CYB5R3: variants seen among roughly 807,000 people sequenced by gnomAD.
CYB5R3 encodes cytochrome b5 reductase 3, also known as NADH-cytochrome b5 reductase 3.
CYB5R3 carries 28 observed loss-of-function variants against 36.5 expected under a neutral mutation model. The observed-to-expected ratio is 0.77, with a 90% CI of 0.57 to 1.05. CYB5R3 has a LOEUF of 1.05. CYB5R3 is among the 50% of genes least tolerant of loss of function. The pLI, the probability that CYB5R3 is intolerant of heterozygous loss-of-function variation, is 0.00. For synonymous variants in CYB5R3, 181 were observed against 159.8 expected, an observed-to-expected ratio of 1.13 and a Z score of -1.00; for missense variants, 474 against 408.9, an observed-to-expected ratio of 1.16 and a Z score of -1.37.
rs777813720 is a variant in CYB5R3, at chr22:42,627,323, T to G, written c.614A>C (p.His205Pro). The G allele has an allele frequency of 1.9e-6, 3 of 1,613,820 alleles. No homozygotes were observed. The South Asian group carries it at 3.3e-5, about 18-fold the overall frequency. ...ACTGACCTGGTTGGCAAAGAGCAGG[T>G]GGCACACAGTGTGGTCATCAGGGTC... ...MKDPDDHTVC[H>P]LLFANQTEKD... The change falls in exon 7 of 9, where the codon CAC becomes CCC. Residue 205 changes from histidine to proline, a missense_variant. His to Pro is a moderately conservative substitution (Grantham distance 77). Transcript: ENST00000352397.
At chr22:42,622,985 C>T (rs1370242348) in intron 8 of CYB5R3, among the ~76,000 whole-genome samples, 1 of 152,260 alleles carries the variant, frequency 6.6e-6, no homozygotes, top group Non-Finnish European at 1.5e-5. Context: ...GGGCTATACT[C>T]CACAGCGGGA....
intron 1 of CYB5R3, among the ~76,000 whole-genome samples, chr22:42,648,323 G>A (rs1035111122): frequency 6.6e-5 from 10 of 152,238 alleles, no homozygotes; most frequent in South Asian, 6.2e-4. Flanking sequence ...GATTCCTCCT[G>A]TGCCAGCCTC....
chr22:42,642,830 A>G (rs1417675777), intron 1 of CYB5R3, among the ~76,000 whole-genome samples: 27 of 152,232 alleles, frequency 1.8e-4, no homozygotes, highest in Non-Finnish European at 4.0e-4. Flanking sequence ...CATATAAAAC[A>G]CTGGCTCTCA....
chr22:42,631,257 G>T, intron 3 of CYB5R3, 121 bp downstream of exon 3: 1 of 1,057,046 alleles, frequency 9.5e-7, no homozygotes, highest in South Asian at 1.5e-5. Context: ...CAGGGCAGCT[G>T]TCACCTCCTC....
chr22:42,620,008 C>T, intron 8 of CYB5R3, 63 bp from the exon 9 acceptor site: 1 of 1,463,104 alleles, frequency 6.8e-7, no homozygotes, highest in Non-Finnish European at 9.4e-7. Context: ...TGCTGACCGA[C>T]CAACCCTAGG....
In CYB5R3 at chr22:42,619,691, T is replaced by G; in HGVS notation, c.*82A>C. 1.4e-6 allele frequency: 2 copies of G among 1,403,608 alleles called. No individual in the cohort carries two copies. Among genetic ancestry groups the G allele is most frequent in the Non-Finnish European group, 1.9e-6 (2 of 1,042,532 alleles). 86.9% of individuals were successfully genotyped at this position (1,403,608 alleles called of 1,614,324 possible). A position where few individuals can be genotyped will look rare whatever the true frequency, so the allele number is the denominator to read the frequency against. On this transcript the variant is annotated 3_prime_UTR_variant, in exon 9 of 9. Transcript: ENST00000352397. The stretch of plus-strand genomic sequence containing the variant: ...CCAGGCTGAACCCGGGGCCCCAGTG[T>G]GCGATGTGGGGAGGTGACTGGGTGA...
At position 42,631,463 on chromosome 22, in the gene CYB5R3, C is replaced by G; in HGVS notation, c.154-13G>C. 1 of 1,551,512 alleles carries G rather than the reference C, an allele frequency of 6.4e-7. No individual in the cohort carries two copies. Among genetic ancestry groups the G allele is most frequent in the Non-Finnish European group, 8.7e-7 (1 of 1,146,928 alleles). On this transcript the variant is annotated splice_polypyrimidine_tract_variant and intron_variant, in intron 2 of 8. Transcript: ENST00000352397. Reference sequence around the variant, plus strand: ...CATGGCTGATGATCTGGAGAGAGGCCCAAAGCTGCTGAACGGTCCCCAGGG... The same window carrying G: ...CATGGCTGATGATCTGGAGAGAGGCGCAAAGCTGCTGAACGGTCCCCAGGG...
intron 1 of CYB5R3, among the ~76,000 whole-genome samples, chr22:42,639,338 T>G (rs6002840): frequency 0.6 from 81,020 of 135,340 alleles, 24,311 homozygotes; most frequent in East Asian, 0.87. Context: ...AAAAAAAAAG[T>G]GGGGGGGGAC....
At chr22:42,646,992 C>T (rs1929568107) in intron 1 of CYB5R3, 1 of 985,408 alleles carries the variant, frequency 1.0e-6, no homozygotes. Context: ...GTGTGGCTGG[C>T]AGACTCCAGG....
In CYB5R3 at chr22:42,641,451, C is replaced by T. The variant is rs545511623; in HGVS notation, c.22-4605G>A. Reference sequence around the variant, plus strand: ...CCTCCCAAGTAGCTGGGATTACAGGCGCACGCCACCACACTTGGCTAATTT... The same window carrying T: ...CCTCCCAAGTAGCTGGGATTACAGGTGCACGCCACCACACTTGGCTAATTT... On this transcript the variant is annotated intron_variant, in intron 1 of 8. Transcript: ENST00000352397. Among the ~76,000 whole-genome samples, 15 of 152,194 alleles carry T rather than the reference C, an allele frequency of 9.9e-5. No homozygotes were observed. In the East Asian group the frequency reaches 1.4e-3, roughly 14 times the overall value.
chr22:42,623,460 T>C (rs1424856197), intron 8 of CYB5R3, among the ~76,000 whole-genome samples: 1 of 152,210 alleles, frequency 6.6e-6, no homozygotes, highest in Non-Finnish European at 1.5e-5. Context: ...CCGCCACCGC[T>C]GCCCCGAGAC....
chr22:42,636,109 A>T (rs944581189), intron 2 of CYB5R3, among the ~76,000 whole-genome samples: 1 of 152,088 alleles, frequency 6.6e-6, no homozygotes, highest in Non-Finnish European at 1.5e-5. Flanking sequence ...GCAGCTACTC[A>T]GGGGGCTGAG....
chr22:42,621,997 C>T (rs1355633119), intron 8 of CYB5R3, among the ~76,000 whole-genome samples: 1 of 152,262 alleles, frequency 6.6e-6, no homozygotes, highest in South Asian at 2.1e-4. Flanking sequence ...CATCTCGGCT[C>T]ATTGCAACCT....
chr22:42,645,591 C>T (rs1340480606), intron 1 of CYB5R3, among the ~76,000 whole-genome samples: 1 of 152,104 alleles, frequency 6.6e-6, no homozygotes, highest in Non-Finnish European at 1.5e-5. Flanking sequence ...GAGTCAAGGA[C>T]CTTCCTTCCA....
chr22:42,640,271 C>T (rs1182583296), intron 1 of CYB5R3: 3 of 1,558,324 alleles, frequency 1.9e-6, no homozygotes, highest in East Asian at 4.8e-5. Flanking sequence ...ACAAATGGAG[C>T]CATGGTTCTG....
At position 42,620,005 on chromosome 22, in the gene CYB5R3, C is replaced by T. The variant is rs546721773; in HGVS notation, c.734-60G>A. On this transcript the variant is annotated intron_variant, in intron 8 of 8. Coordinates refer to ENST00000352397, the MANE Select transcript of CYB5R3 (RefSeq NM_000398.7). ...GCTGTGTGGTCACCAACCTGCTGAC[C>T]GACCAACCCTAGGCGGTGAATTCCT... The T allele has an allele frequency of 5.5e-5, 82 of 1,479,240 alleles. 1 individual carries two copies. In the African/African-American group the frequency reaches 9.6e-4, roughly 17 times the overall value. The allele number at this position is 1,479,240 out of a possible 1,614,324, so 91.6% of individuals were successfully genotyped here. A position where few individuals can be genotyped will look rare whatever the true frequency, so the allele number is the denominator to read the frequency against.
At chr22:42,636,099 G>A (rs983250582) in intron 2 of CYB5R3, among the ~76,000 whole-genome samples, 2 of 151,986 alleles carry the variant, frequency 1.3e-5, no homozygotes, top group Admixed American at 6.6e-5. Context: ...GCCTGTAATC[G>A]CAGCTACTCA....
intron 1 of CYB5R3, among the ~76,000 whole-genome samples, chr22:42,641,822 C>T (rs1238727279): frequency 2.6e-5 from 4 of 151,806 alleles, no homozygotes; most frequent in Non-Finnish European, 5.9e-5. Flanking sequence ...GGTTTTTTCT[C>T]ATTGGCCAGG....
chr22:42,618,255 G>A lies in CYB5R3; in HGVS notation c.*1518C>T, dbSNP rs1468340171. ...AAAGATACATCAGAAATAAATGCTG[G>A]AGCCGGGCGCAGTGGCTCACGCCTG... On this transcript the variant is annotated 3_prime_UTR_variant, in exon 9 of 9. Coordinates refer to ENST00000352397, the MANE Select transcript of CYB5R3 (RefSeq NM_000398.7). The A allele has an allele frequency of 1.3e-5, 2 of 152,388 alleles. No homozygotes were observed. Among genetic ancestry groups the A allele is most frequent in the East Asian group, 3.9e-4 (2 of 5,188 alleles). 9.4% of individuals were successfully genotyped at this position (152,388 alleles called of 1,614,324 possible).
Sources: gnomAD v4.1 joint callset for allele counts (sites outside exome capture counted in the v4.1 genomes callset) on GRCh38, gnomAD v4.1.1 for gene constraint, MANE v1.5 for transcripts, NCBI Gene and HGNC (gene_info 2026-07-23, HGNC 2026-07-21) for gene names.